The following EPB41L4B variants were observed in gnomAD, a reference collection of about 807,000 sequenced individuals.
EPB41L4B encodes the protein erythrocyte membrane protein band 4.1 like 4B.
Under a neutral mutation model 112.5 loss-of-function variants are expected in EPB41L4B, and 30 were observed. The ratio of observed to expected loss-of-function variants is 0.27; its 90% CI spans 0.20 to 0.36. EPB41L4B has a LOEUF of 0.36. EPB41L4B is among the 10% of genes least tolerant of loss of function. EPB41L4B has a pLI of 1.00. For synonymous variants in EPB41L4B, 408 were observed against 439.7 expected (o/e 0.93, Z 0.90); for missense variants, 1,024 against 1,133.3 (o/e 0.90, Z 1.38).
rs368115771 is a variant in EPB41L4B at position 109,255,784 on chromosome 9, T to A, written c.989A>T (p.Asp330Val). 1 of 1,613,894 alleles carries A rather than the reference T, an allele frequency of 6.2e-7. No individual in the cohort carries two copies. Among genetic ancestry groups the A allele is most frequent in the Non-Finnish European group, 8.5e-7 (1 of 1,179,958 alleles). Residue 330 changes from aspartate to valine, a missense_variant, in exon 10 of 26, where the codon GAT becomes GTT. Coordinates refer to ENST00000374566, the MANE Select transcript of EPB41L4B (RefSeq NM_019114.5). ...KSKLTLVVVE[D>V]DDQGREQEHT... ...GGGAGCCAGGCCTACCTGATCATCA[T>A]CCTCGACCACCACGAGTGTCAATTT...
intron 9 of EPB41L4B, 77 bp downstream of exon 9, chr9:109,256,059 T>C: frequency 7.4e-7 from 1 of 1,352,580 alleles, no homozygotes; most frequent in South Asian, 1.2e-5. Flanking sequence ...CAGATACCCC[T>C]CAATAATCAT....
intron 20 of EPB41L4B, among the ~76,000 whole-genome samples, chr9:109,196,912 T>C (rs2118718405): frequency 6.6e-6 from 1 of 152,256 alleles, no homozygotes; most frequent in South Asian, 2.1e-4. Context: ...CACCTGAATG[T>C]TACAATGCTT....
intron 22 of EPB41L4B, among the ~76,000 whole-genome samples, chr9:109,188,878 G>A (rs1463039923): frequency 6.6e-6 from 1 of 152,172 alleles, no homozygotes; most frequent in Non-Finnish European, 1.5e-5. Flanking sequence ...GCCCCAAAGA[G>A]AAAGCGTAAA....
intron 20 of EPB41L4B, among the ~76,000 whole-genome samples, chr9:109,199,572 G>A (rs377608377): frequency 2.6e-5 from 4 of 152,176 alleles, no homozygotes; most frequent in Non-Finnish European, 5.9e-5. Context: ...GGGAGGCTGA[G>A]GCAGGGGAAT....
chr9:109,225,478 G>A (rs767518072), intron 15 of EPB41L4B, among the ~76,000 whole-genome samples: 2 of 152,218 alleles, frequency 1.3e-5, no homozygotes, highest in Non-Finnish European at 2.9e-5. Context: ...GTAGACAAGA[G>A]AGAATGAGAG....
intron 15 of EPB41L4B, chr9:109,241,262 G>T: frequency 1.0e-6 from 1 of 995,350 alleles, no homozygotes; most frequent in Non-Finnish European, 1.2e-6. Context: ...GCCACACTAG[G>T]GAAACTGGAC....
intron 1 of EPB41L4B, among the ~76,000 whole-genome samples, chr9:109,299,734 C>T (rs995377021): frequency 4.6e-5 from 7 of 151,676 alleles, no homozygotes; most frequent in African/African-American, 1.7e-4. Flanking sequence ...CAGCAATACT[C>T]CTCACCCCTC....
chr9:109,268,318 AC>A, intron 3 of EPB41L4B, 72 bp downstream of exon 3: 1 of 1,340,604 alleles, frequency 7.5e-7, no homozygotes, highest in Admixed American at 2.3e-5. Context: ...AAAACATAAC[AC>A]CTCAAAACAC....
At chr9:109,315,573 C>CA (rs1837601524) in intron 1 of EPB41L4B, among the ~76,000 whole-genome samples, 1 of 152,178 alleles carries the variant, frequency 6.6e-6, no homozygotes, top group Non-Finnish European at 1.5e-5. Flanking sequence ...CAGACGCTGA[C>CA]AATCAGGGTT....
chr9:109,214,542 G>A (rs541982739), intron 16 of EPB41L4B, among the ~76,000 whole-genome samples: 4 of 152,172 alleles, frequency 2.6e-5, no homozygotes, highest in African/African-American at 9.7e-5. Flanking sequence ...ACTGAGGATG[G>A]GTGTTAGAGA....
chr9:109,289,001 A>AGACACCCACCCCCTAGTGGGTCCCTCCT, intron 1 of EPB41L4B, among the ~76,000 whole-genome samples: 2 of 152,160 alleles, frequency 1.3e-5, no homozygotes, highest in African/African-American at 4.8e-5. Flanking sequence ...AGAAGGACTA[A>AGACACCCACCCCCTAGTGGGTCCCTCCT]GACACCCACC....
At chr9:109,289,664 C>A (rs1268389346) in intron 1 of EPB41L4B, among the ~76,000 whole-genome samples, 1 of 152,210 alleles carries the variant, frequency 6.6e-6, no homozygotes, top group African/African-American at 2.4e-5. Flanking sequence ...TTCCAGACCC[C>A]TCGTCTGTCC....
chr9:109,200,106 C>A (rs775588401), intron 20 of EPB41L4B, 130 bp downstream of exon 20: 76 of 675,298 alleles, frequency 1.1e-4, no homozygotes, highest in Non-Finnish European at 1.7e-4. Context: ...CTCATTATTA[C>A]CTAAATTGGA....
intron 1 of EPB41L4B, among the ~76,000 whole-genome samples, 186 bp from the exon 2 acceptor site, chr9:109,280,107 A>G (rs532395385): frequency 9.2e-5 from 14 of 152,380 alleles, no homozygotes; most frequent in Admixed American, 7.2e-4. Flanking sequence ...CAAATGCCAC[A>G]TAATAGCATA....
At chr9:109,181,420 C>T (rs1368736845) in intron 24 of EPB41L4B, among the ~76,000 whole-genome samples, 1 of 152,198 alleles carries the variant, frequency 6.6e-6, no homozygotes, top group African/African-American at 2.4e-5. Flanking sequence ...TGAGAAACAA[C>T]AATCATAACT....
intron 2 of EPB41L4B, among the ~76,000 whole-genome samples, chr9:109,271,418 T>C (rs1360222890): frequency 6.6e-6 from 1 of 152,200 alleles, no homozygotes; most frequent in Admixed American, 6.5e-5. Flanking sequence ...TCAGAGGCAA[T>C]AAGAAACCCA....
chr9:109,247,824 AAG>A (rs1834618251), intron 13 of EPB41L4B, 35 bp from the exon 14 acceptor site: 2 of 1,444,388 alleles, frequency 1.4e-6, no homozygotes, highest in Non-Finnish European at 1.8e-6. Flanking sequence ...CAGAAAAAAA[AAG>A]AAAAATAGGT....
intron 22 of EPB41L4B, among the ~76,000 whole-genome samples, chr9:109,191,531 C>T (rs1832461218): frequency 6.6e-6 from 1 of 152,184 alleles, no homozygotes; most frequent in South Asian, 2.1e-4. Flanking sequence ...ATTTGGCAGG[C>T]ATTGCCCCTC....
At chr9:109,299,027 C>T (rs942914686) in intron 1 of EPB41L4B, among the ~76,000 whole-genome samples, 1 of 152,168 alleles carries the variant, frequency 6.6e-6, no homozygotes, top group Admixed American at 6.5e-5. Context: ...TTGCCACCCA[C>T]ACACCAGGCA....
Sources: gnomAD v4.1 joint callset for allele counts (sites outside exome capture counted in the v4.1 genomes callset) on GRCh38, gnomAD v4.1.1 for gene constraint, MANE v1.5 for transcripts, NCBI Gene and HGNC (gene_info 2026-07-23, HGNC 2026-07-21) for gene names.